Variants in MBTPS1 observed in about 807,000 individuals in gnomAD.
MBTPS1 encodes membrane-bound transcription factor site-1 protease.
MBTPS1 carries 94 observed loss-of-function variants against 127.8 expected under a neutral mutation model. The observed-to-expected ratio is 0.74, with a 90% CI of 0.62 to 0.87. The LOEUF (loss-of-function observed/expected upper bound fraction) is 0.87. Among genes scored for constraint, MBTPS1 ranks in the 40% least tolerant of loss-of-function variants. The probability of loss-of-function intolerance (pLI) is 0.00; values close to 1 mark genes in which losing one functional copy is unlikely to be tolerated. For missense variants in MBTPS1, 1,636 were observed against 1,353.2 expected (o/e 1.21, Z -3.28); for synonymous variants, 632 against 509.4 (o/e 1.24, Z -3.24).
At chr16:84,079,101 G>GT (rs1264271290) in intron 11 of MBTPS1, among the ~76,000 whole-genome samples, 1 of 152,200 alleles carries the variant, frequency 6.6e-6, no homozygotes, top group African/African-American at 2.4e-5. Context: ...AGATCTGGGT[G>GT]TTTAACAGTC....
chr16:84,107,623 C>T (rs995852083), intron 1 of MBTPS1, among the ~76,000 whole-genome samples: 3 of 151,862 alleles, frequency 2.0e-5, no homozygotes, highest in Admixed American at 6.6e-5. Context: ...AATGCCATAA[C>T]GGGGGCAAGA....
chr16:84,083,462 T>C (rs2085971480), intron 10 of MBTPS1, among the ~76,000 whole-genome samples: 1 of 152,072 alleles, frequency 6.6e-6, no homozygotes, highest in Admixed American at 6.5e-5. Context: ...CTACCCCTTT[T>C]TTTTTTTTGG....
At chr16:84,073,132 T>C (rs1244838914) in intron 12 of MBTPS1, among the ~76,000 whole-genome samples, 1 of 152,158 alleles carries the variant, frequency 6.6e-6, no homozygotes, top group Non-Finnish European at 1.5e-5. Context: ...ATGCATATAG[T>C]TGAATTTTTC....
rs1057121869 is a variant in MBTPS1 at position 84,073,994 on chromosome 16, G to A, written c.1593+603C>T. Among the ~76,000 whole-genome samples, 95 of 151,870 alleles carry A rather than the reference G, an allele frequency of 6.3e-4. 1 individual carries two copies. Among genetic ancestry groups the A allele is most frequent in the Non-Finnish European group, 4.4e-5 (3 of 67,976 alleles). Reference sequence around the variant, plus strand: ...GCCCTCCAGCCTGGGCAACAAGAGTGACACTCTGTCTCAAAAAAAAATAAA... The same window carrying A: ...GCCCTCCAGCCTGGGCAACAAGAGTAACACTCTGTCTCAAAAAAAAATAAA... On this transcript the variant is annotated intron_variant, in intron 12 of 22. Transcript: ENST00000343411.
intron 1 of MBTPS1, among the ~76,000 whole-genome samples, chr16:84,114,828 C>A (rs879927575): frequency 0.035 from 5,319 of 151,072 alleles, 151 homozygotes; most frequent in Middle Eastern, 0.075. Flanking sequence ...GACTCTGTCT[C>A]AAAAAAATAA....
At chr16:84,064,350 T>C (rs2085651986) in intron 18 of MBTPS1, among the ~76,000 whole-genome samples, 1 of 152,114 alleles carries the variant, frequency 6.6e-6, no homozygotes, top group South Asian at 2.1e-4. Context: ...CTGGAACACA[T>C]TCACCGCCAT....
intron 1 of MBTPS1, among the ~76,000 whole-genome samples, chr16:84,108,955 T>C (rs2086361871): frequency 6.6e-6 from 1 of 152,236 alleles, no homozygotes; most frequent in Non-Finnish European, 1.5e-5. Context: ...TTTAAGGTTT[T>C]CAATACATAG....
At chr16:84,095,567 TC>T in intron 4 of MBTPS1, 34 bp downstream of exon 4, 1 of 1,603,522 alleles carries the variant, frequency 6.2e-7, no homozygotes, top group Non-Finnish European at 8.5e-7. Flanking sequence ...CACCTGTATA[TC>T]CCATAAGCAC....
chr16:84,112,761 G>A (rs2086416959), intron 1 of MBTPS1, among the ~76,000 whole-genome samples: 1 of 151,566 alleles, frequency 6.6e-6, no homozygotes, highest in African/African-American at 2.4e-5. Context: ...GATCACCCGA[G>A]GTCAGGAGTT....
At chr16:84,094,803 G>GCCAGT (rs1344224770) in intron 4 of MBTPS1, among the ~76,000 whole-genome samples, 7 of 152,240 alleles carry the variant, frequency 4.6e-5, no homozygotes, top group African/African-American at 1.7e-4. Flanking sequence ...TTAATGAAAT[G>GCCAGT]CCAGTCCACC....
At chr16:84,116,468 TTG>T (rs2086480550) in intron 1 of MBTPS1, among the ~76,000 whole-genome samples, 1 of 152,194 alleles carries the variant, frequency 6.6e-6, no homozygotes, top group Non-Finnish European at 1.5e-5. Context: ...GCAGGGCGTA[TTG>T]TTTCACTCGG....
intron 17 of MBTPS1, 23 bp from the exon 18 acceptor site, chr16:84,065,790 A>C (rs764809719): frequency 1.4e-6 from 2 of 1,480,752 alleles, no homozygotes; most frequent in Non-Finnish European, 1.8e-6. Context: ...GTTCAAAGTC[A>C]AGGGAACACA....
chr16:84,114,601 C>T (rs1422655397), intron 1 of MBTPS1, among the ~76,000 whole-genome samples: 2 of 151,784 alleles, frequency 1.3e-5, no homozygotes, highest in Non-Finnish European at 1.5e-5. Flanking sequence ...GAGGCCGACG[C>T]GGGCGGATCA....
intron 2 of MBTPS1, among the ~76,000 whole-genome samples, chr16:84,100,339 G>C (rs1157346635): frequency 6.6e-6 from 1 of 152,218 alleles, no homozygotes. Context: ...GAGGTCAAGA[G>C]TGCAAGACCA....
rs555266325 is a variant in MBTPS1 at position 84,094,302 on chromosome 16, A to G, written c.626-481T>C. On this transcript the variant is annotated intron_variant, in intron 4 of 22. Transcript: ENST00000343411. ...AGGGGGAACCATTCCTATTCCCAAT[A>G]AGGACAGCAATTTATTCAATGCTGC... Among the ~76,000 whole-genome samples, 4 of 152,344 alleles carry G rather than the reference A, an allele frequency of 2.6e-5. No individual in the cohort carries two copies. The East Asian group carries it at 7.7e-4, about 29-fold the overall frequency.
intron 11 of MBTPS1, among the ~76,000 whole-genome samples, chr16:84,077,167 G>C (rs1298952388): frequency 1.3e-5 from 2 of 149,758 alleles, no homozygotes; most frequent in Admixed American, 1.3e-4. Flanking sequence ...AGAGGTTACA[G>C]TGAGCTGAGA....
At chr16:84,089,492 G>C (rs919563793) in intron 8 of MBTPS1, among the ~76,000 whole-genome samples, 1 of 152,208 alleles carries the variant, frequency 6.6e-6, no homozygotes, top group Admixed American at 6.5e-5. Context: ...TTCTTGATTA[G>C]AAAACTGCTA....
At chr16:84,099,350 C>G (rs2086223204) in intron 2 of MBTPS1, 40 bp from the exon 3 acceptor site, 1 of 1,598,282 alleles carries the variant, frequency 6.3e-7, no homozygotes, top group African/African-American at 1.3e-5. Context: ...GATTTACGCA[C>G]ATACATTATA....
At chr16:84,063,538 C>T (rs567703063) in intron 18 of MBTPS1, 93 bp from the exon 19 acceptor site, 73 of 1,235,956 alleles carry the variant, frequency 5.9e-5, no homozygotes, top group Admixed American at 4.1e-4. Flanking sequence ...AAATAAACCA[C>T]ATTTACAAAA....
Sources: gnomAD v4.1 joint callset for allele counts (sites outside exome capture counted in the v4.1 genomes callset) on GRCh38, gnomAD v4.1.1 for gene constraint, MANE v1.5 for transcripts, NCBI Gene and HGNC (gene_info 2026-07-23, HGNC 2026-07-21) for gene names.